LINC00632: variants seen among roughly 807,000 people sequenced by gnomAD.
LINC00632 encodes the protein long independently transcribed non-coding RNA 632.
chrX:140,783,275 C>A lies in LINC00632; in HGVS notation n.11294C>A, dbSNP rs773475284. ...TCAAGGTCTTCCAGATAATCCTGAGCTTCCAGAAAATCCACATCTTCCAGA... is the reference window on the plus strand; with the variant it reads ...TCAAGGTCTTCCAGATAATCCTGAGATTCCAGAAAATCCACATCTTCCAGA... On this transcript the variant is annotated non_coding_transcript_exon_variant, in exon 5 of 5. Coordinates refer to ENST00000648200, the Ensembl canonical transcript of LINC00632. The A allele has an allele frequency of 5.9e-5, 18 of 306,417 alleles. No homozygotes were observed. The South Asian group carries it at 1.6e-3, about 27-fold the overall frequency. The allele number at this position is 306,417 out of a possible 1,213,427, so 25.3% of individuals were successfully genotyped here.
intron 2 of LINC00632, among the ~76,000 whole-genome samples, chrX:140,721,204 C>T (rs923640709): frequency 7.1e-5 from 8 of 111,903 alleles, no homozygotes; most frequent in Non-Finnish European, 1.5e-4. Flanking sequence ...CAACCAAGTC[C>T]TGCAGCACTA....
At chrX:140,762,033 T>C (rs1475953524) in intron 3 of LINC00632, among the ~76,000 whole-genome samples, 2 of 111,799 alleles carry the variant, frequency 1.8e-5, no homozygotes, top group Non-Finnish European at 3.8e-5. Flanking sequence ...TGAAAAAATA[T>C]GGCAAAGAAG....
intron 3 of LINC00632, among the ~76,000 whole-genome samples, chrX:140,739,595 G>A (rs1203927587): frequency 9.0e-6 from 1 of 111,375 alleles, no homozygotes; most frequent in Non-Finnish European, 1.9e-5. Context: ...AAACTATGAT[G>A]TAATGCTTTC....
rs760579357 is a variant in LINC00632 at position 140,734,928 on chromosome X, A to AT, written n.191+972dup. 7.4e-5 allele frequency among the ~76,000 whole-genome samples: 8 copies of AT among 108,303 alleles called. No homozygotes were observed. In the East Asian group the frequency reaches 1.5e-3, roughly 20 times the overall value. 94.0% of individuals were successfully genotyped at this position (108,303 alleles called of 115,157 possible). On this transcript the variant is annotated intron_variant and non_coding_transcript_variant, in intron 3 of 4. Coordinates refer to ENST00000648200, the Ensembl canonical transcript of LINC00632. ...AGGCACGTGCCACCACGCCCGGCTA[A>AT]TTTTTTTTGTATTTTTAGTAGAGAC... is the stretch of plus-strand genomic sequence containing the variant.
At chrX:140,769,476 C>A (rs1447247811) in intron 3 of LINC00632, among the ~76,000 whole-genome samples, 1 of 109,296 alleles carries the variant, frequency 9.1e-6, no homozygotes, top group Non-Finnish European at 1.9e-5. Context: ...TTTCTCCACC[C>A]CACCCCCCCC....
exon 5 of LINC00632, among the ~76,000 whole-genome samples, chrX:140,789,162 GAAGAA>G (rs1932070104): frequency 9.2e-6 from 1 of 108,435 alleles, no homozygotes; most frequent in African/African-American, 3.3e-5. Flanking sequence ...AACGGAGTGA[GAAGAA>G]AAGTGTTGAT....
chrX:140,788,747 TTTTC>T (rs1477170581), exon 5 of LINC00632, among the ~76,000 whole-genome samples: 46 of 107,520 alleles, frequency 4.3e-4, no homozygotes, highest in African/African-American at 1.5e-3. Flanking sequence ...AAATCACTTT[TTTTC>T]TGTTTCCATA....
chrX:140,759,361 C>CTT lies in LINC00632; in HGVS notation n.192-12715_192-12714dup, dbSNP rs1438573960. Among the ~76,000 whole-genome samples the CTT allele has an allele frequency of 9.7e-4, 88 of 91,150 alleles. 1 individual carries two copies. Among genetic ancestry groups the CTT allele is most frequent in the East Asian group, 8.0e-3 (23 of 2,881 alleles). 79.2% of individuals were successfully genotyped at this position (91,150 alleles called of 115,157 possible). ...CCTTCCTTCCTTTCTTTCTTTCTTTCTTTCTTTTTAAAAGAGATGGACTCT... is the reference window on the plus strand; with the variant it reads ...CCTTCCTTCCTTTCTTTCTTTCTTTCTTTTTCTTTTTAAAAGAGATGGACTCT... On this transcript the variant is annotated intron_variant and non_coding_transcript_variant, in intron 3 of 4. Coordinates refer to ENST00000648200, the Ensembl canonical transcript of LINC00632.
intron 2 of LINC00632, among the ~76,000 whole-genome samples, chrX:140,726,045 C>T (rs189593190): frequency 0.065 from 7,155 of 110,873 alleles, 268 homozygotes; most frequent in African/African-American, 0.14. Context: ...TCCTACAATA[C>T]AGGGGCATGC....
At chrX:140,749,811 T>G (rs1051549126) in intron 3 of LINC00632, among the ~76,000 whole-genome samples, 82 of 110,491 alleles carry the variant, frequency 7.4e-4, no homozygotes, top group African/African-American at 2.4e-3. Context: ...GCCTGAGTAA[T>G]TGGGACCACA....
At chrX:140,753,768 C>CTTTTTTTTTTTTTTTTTT (rs752596283) in intron 3 of LINC00632, among the ~76,000 whole-genome samples, 47 of 49,729 alleles carry the variant, frequency 9.5e-4, no homozygotes, top group Admixed American at 1.0e-3. Context: ...TTCTTTCTTT[C>CTTTTTTTTTTTTTTTTTT]TTTTTTTTTT....
At chrX:140,729,181 A>C (rs182361701) in intron 2 of LINC00632, among the ~76,000 whole-genome samples, 8 of 110,858 alleles carry the variant, frequency 7.2e-5, no homozygotes, top group African/African-American at 2.3e-4. Flanking sequence ...ATACAAACAC[A>C]ACCTTCGCCT....
chrX:140,751,542 G>T (rs1931411215), intron 3 of LINC00632, among the ~76,000 whole-genome samples: 1 of 111,318 alleles, frequency 9.0e-6, no homozygotes, highest in Non-Finnish European at 1.9e-5. Flanking sequence ...TTTTGAAGAG[G>T]CTTCAGTGTC....
chrX:140,724,536 A>T, intron 2 of LINC00632, among the ~76,000 whole-genome samples: 1 of 109,929 alleles, frequency 9.1e-6, no homozygotes, highest in Non-Finnish European at 1.9e-5. Context: ...CCACACACAC[A>T]TTCCATACAC....
intron 3 of LINC00632, among the ~76,000 whole-genome samples, chrX:140,755,182 A>G (rs1459441298): frequency 8.9e-6 from 1 of 112,228 alleles, no homozygotes; most frequent in African/African-American, 3.2e-5. Flanking sequence ...AGGTGCTTGA[A>G]AAAGAGGTGC....
exon 5 of LINC00632, among the ~76,000 whole-genome samples, chrX:140,780,178 G>A (rs868302262): frequency 8.9e-5 from 10 of 111,760 alleles, no homozygotes; most frequent in Middle Eastern, 4.7e-3. Context: ...CATAGTAAGC[G>A]CTCAATAAAT....
At chrX:140,760,162 T>C (rs1157891283) in intron 3 of LINC00632, among the ~76,000 whole-genome samples, 1 of 111,786 alleles carries the variant, frequency 8.9e-6, no homozygotes, top group Non-Finnish European at 1.9e-5. Flanking sequence ...AGCCTGGGGA[T>C]TGCTCTCTTT....
At chrX:140,723,452 CCACACACACACATTCCATACA>C (rs1930782091) in intron 2 of LINC00632, among the ~76,000 whole-genome samples, 1 of 9,434 alleles carries the variant, frequency 1.1e-4, no homozygotes, top group African/African-American at 1.6e-4. Flanking sequence ...CACACACATT[CCACACACACACATTCCATACA>C]CATACACACA....
intron 2 of LINC00632, among the ~76,000 whole-genome samples, chrX:140,716,590 C>A (rs941291925): frequency 9.1e-6 from 1 of 110,363 alleles, no homozygotes; most frequent in African/African-American, 3.3e-5. Flanking sequence ...CACACAGACA[C>A]CCCGCCATAG....
Sources: gnomAD v4.1 joint callset for allele counts (sites outside exome capture counted in the v4.1 genomes callset) on GRCh38, gnomAD v4.1.1 for gene constraint, MANE v1.5 for transcripts, NCBI Gene and HGNC (gene_info 2026-07-23, HGNC 2026-07-21) for gene names.